The following ST18 variants were observed in gnomAD, a reference collection of about 807,000 sequenced individuals.
The protein encoded by ST18 is suppression of tumorigenicity 18 protein.
ST18 carries 50 observed loss-of-function variants against 110.0 expected under a neutral mutation model. That is an observed-to-expected ratio of 0.45 (90% confidence interval 0.36 to 0.58). The LOEUF is 0.58. Ranked by LOEUF, ST18 falls within the 20% of genes least tolerant of loss-of-function variation. ST18 has a pLI of 0.00. For missense variants in ST18, 1,306 were observed against 1,280.1 expected (o/e 1.02, Z -0.31); for synonymous variants, 461 against 452.4 (o/e 1.02, Z -0.24).
At chr8:52,324,088 T>C (rs974771791) in intron 2 of ST18, among the ~76,000 whole-genome samples, 3 of 152,200 alleles carry the variant, frequency 2.0e-5, no homozygotes, top group African/African-American at 4.8e-5. Context: ...CCAGACTCTG[T>C]CACAGACAAT....
chr8:52,113,604 C>T (rs972831933), intron 25 of ST18, among the ~76,000 whole-genome samples: 4 of 152,072 alleles, frequency 2.6e-5, no homozygotes, highest in Admixed American at 6.6e-5. Context: ...GCTATGGACT[C>T]GGACTCCACA....
rs184991959 is a variant in ST18, at chr8:52,163,547, T to C, written c.1400+439A>G. On this transcript the variant is annotated intron_variant, in intron 13 of 25. Transcript: ENST00000689386. ...GAATGAATTTTTGTTTTAAATACAT[T>C]ATATGTGTTTGTGGAACTGAAGGAT... Among the ~76,000 whole-genome samples, 11 of 152,304 alleles carry C rather than the reference T, an allele frequency of 7.2e-5. No homozygotes were observed. The East Asian group carries it at 1.9e-3, about 27-fold the overall frequency.
chr8:52,377,839 A>G (rs1832998467), intron 2 of ST18, among the ~76,000 whole-genome samples: 1 of 152,206 alleles, frequency 6.6e-6, no homozygotes, highest in African/African-American at 2.4e-5. Context: ...AGCAAAGACT[A>G]GGAAGCAAAG....
At position 52,128,742 on chromosome 8, in the gene ST18, G is replaced by A. The variant is rs140986770; in HGVS notation, c.2667-2602C>T. Among the ~76,000 whole-genome samples, 1,265 of 152,248 alleles carry A rather than the reference G, an allele frequency of 8.3e-3. 29 individuals are homozygous for A. The highest frequency in any genetic ancestry group is 0.029 in the African/African-American group (1,189 of 41,540). ...ATCATTAAACCTTAGGGGAAGTGGG[G>A]TGACACTGGCTTTCACGTGCCAACC... On this transcript the variant is annotated intron_variant, in intron 22 of 25. Coordinates refer to ENST00000689386, the MANE Select transcript of ST18 (RefSeq NM_001352837.2).
intron 2 of ST18, among the ~76,000 whole-genome samples, chr8:52,351,830 A>C (rs1480962889): frequency 6.6e-6 from 1 of 152,224 alleles, no homozygotes; most frequent in Non-Finnish European, 1.5e-5. Context: ...AACAATGAAC[A>C]ATCAGTTAAA....
chr8:52,151,801 T>G (rs2132586735), intron 15 of ST18, among the ~76,000 whole-genome samples: 1 of 152,150 alleles, frequency 6.6e-6, no homozygotes, highest in African/African-American at 2.4e-5. Flanking sequence ...AAAACTTGGG[T>G]TAAGACTGCA....
chr8:52,294,712 T>C (rs1019151271), intron 2 of ST18, among the ~76,000 whole-genome samples: 5 of 152,242 alleles, frequency 3.3e-5, no homozygotes, highest in African/African-American at 1.2e-4. Flanking sequence ...CCAAAGCAGA[T>C]TCCTGCAGTC....
chr8:52,334,978 TG>T (rs1467222208), intron 2 of ST18, among the ~76,000 whole-genome samples: 1 of 152,248 alleles, frequency 6.6e-6, no homozygotes, highest in Non-Finnish European at 1.5e-5. Flanking sequence ...TGCCACAATT[TG>T]TTGAAAAAAT....
chr8:52,271,133 T>C (rs2095061657), intron 2 of ST18, among the ~76,000 whole-genome samples: 1 of 152,152 alleles, frequency 6.6e-6, no homozygotes, highest in African/African-American at 2.4e-5. Context: ...CTTCTGACCT[T>C]GTGATCCGCC....
At chr8:52,338,644 A>G (rs1342234152) in intron 2 of ST18, among the ~76,000 whole-genome samples, 2 of 151,938 alleles carry the variant, frequency 1.3e-5, no homozygotes, top group Non-Finnish European at 2.9e-5. Flanking sequence ...GGCTGGTCTC[A>G]AACTCCTGGA....
At chr8:52,252,337 G>C (rs1482385250) in intron 2 of ST18, among the ~76,000 whole-genome samples, 1 of 151,936 alleles carries the variant, frequency 6.6e-6, no homozygotes, top group Admixed American at 6.6e-5. Context: ...TGGAAATAAA[G>C]ACAACTATTC....
At chr8:52,357,318 T>A (rs898753929) in intron 2 of ST18, among the ~76,000 whole-genome samples, 1 of 152,010 alleles carries the variant, frequency 6.6e-6, no homozygotes, top group Non-Finnish European at 1.5e-5. Flanking sequence ...CAGAAGTAAG[T>A]CGTTTCTTAC....
At chr8:52,119,817 C>T (rs1041363566) in intron 23 of ST18, among the ~76,000 whole-genome samples, 3 of 152,170 alleles carry the variant, frequency 2.0e-5, no homozygotes, top group African/African-American at 7.2e-5. Context: ...TGGGTACTTA[C>T]TGCTTTATTA....
chr8:52,128,488 T>G (rs2131336070), intron 22 of ST18, among the ~76,000 whole-genome samples: 1 of 152,312 alleles, frequency 6.6e-6, no homozygotes, highest in Non-Finnish European at 1.5e-5. Flanking sequence ...ATCACTTGTC[T>G]TCTCAGATTG....
At chr8:52,391,630 G>T (rs1245541627) in intron 2 of ST18, among the ~76,000 whole-genome samples, 1 of 152,216 alleles carries the variant, frequency 6.6e-6, no homozygotes, top group Non-Finnish European at 1.5e-5. Context: ...GTCACATACT[G>T]TACAGGTGTG....
In ST18 at chr8:52,316,775, C is replaced by A. The variant is rs115275360; in HGVS notation, c.-464-86698G>T. Among the ~76,000 whole-genome samples, 127 of 152,300 alleles carry A rather than the reference C, an allele frequency of 8.3e-4. 1 individual carries two copies. Among genetic ancestry groups the A allele is most frequent in the African/African-American group, 2.9e-3 (120 of 41,570 alleles). ...GACTTTCTAGCTCAGTGGTCATGTG[C>A]TGTATGGTATATCTTCTCTTGAATA... On this transcript the variant is annotated intron_variant, in intron 2 of 25. Transcript: ENST00000689386.
chr8:52,405,725 T>G (rs887928355), intron 2 of ST18: 1 of 152,176 alleles, frequency 6.6e-6, no homozygotes, highest in Non-Finnish European at 1.5e-5. Context: ...TTCCTAAAAT[T>G]TGTTATAGAC....
At chr8:52,388,973 T>TAAAAAA (rs61317264) in intron 2 of ST18, among the ~76,000 whole-genome samples, 2 of 142,688 alleles carry the variant, frequency 1.4e-5, no homozygotes, top group Non-Finnish European at 3.0e-5. Flanking sequence ...AATAATAATT[T>TAAAAAA]AAAAAAAAAA....
chr8:52,277,461 T>C (rs1018826529), intron 2 of ST18, among the ~76,000 whole-genome samples: 1 of 152,224 alleles, frequency 6.6e-6, no homozygotes, highest in Non-Finnish European at 1.5e-5. Flanking sequence ...ACTGCAATGT[T>C]GAGATTTCTA....
Sources: allele counts gnomAD v4.1 joint callset (sites outside exome capture counted in the v4.1 genomes callset), GRCh38; gene constraint gnomAD v4.1.1; transcripts MANE v1.5; gene names NCBI Gene and HGNC (gene_info 2026-07-23, HGNC 2026-07-21).